Variants in HSPA12B observed in about 807,000 individuals in gnomAD.
HSPA12B encodes heat shock protein family A (Hsp70) member 12B.
A neutral mutation model predicts 69.3 loss-of-function variants in HSPA12B; 54 were observed. The observed-to-expected ratio is 0.78, with a 90% CI of 0.63 to 0.98. The LOEUF is 0.98. Among genes scored for constraint, HSPA12B ranks in the 50% least tolerant of loss-of-function variants. The pLI is 0.00. For missense variants in HSPA12B, 929 were observed against 999.8 expected, an observed-to-expected ratio of 0.93 and a Z score of 0.96; for synonymous variants, 441 against 436.5, an observed-to-expected ratio of 1.01 and a Z score of -0.13.
intron 1 of HSPA12B, among the ~76,000 whole-genome samples, chr20:3,736,364 G>A (rs534951507): frequency 2.0e-5 from 3 of 152,350 alleles, no homozygotes; most frequent in Admixed American, 1.3e-4. Flanking sequence ...CAGCAAGAGT[G>A]TCTGGAAATC....
chr20:3,751,677 G>T lies in HSPA12B; in HGVS notation c.1572G>T (p.Ala524=). Residue 524 remains alanine (A), a synonymous_variant, in exon 13 of 13, where the codon GCG becomes GCT. Transcript: ENST00000254963. The stretch of plus-strand genomic sequence containing the variant: ...TGGGCCTCACCATCCTCAAAGGCGC[G>T]GTGCTGTTCGGCCAGGCGCCGGGCG... The part of the protein sequence containing the change: ...HDVGLTILKG[A]VLFGQAPGVV... 1 of 1,499,632 alleles carries T rather than the reference G, an allele frequency of 6.7e-7. No individual in the cohort carries two copies. The highest frequency in any genetic ancestry group is 2.6e-5 in the East Asian group (1 of 38,424). 92.9% of individuals were successfully genotyped at this position (1,499,632 alleles called of 1,614,324 possible).
At chr20:3,741,243 C>T (rs1326586522) in intron 3 of HSPA12B, among the ~76,000 whole-genome samples, 1 of 151,712 alleles carries the variant, frequency 6.6e-6, no homozygotes, top group Admixed American at 6.6e-5. Context: ...GTCCCCAGAG[C>T]ACTGGGCCTC....
intron 7 of HSPA12B, among the ~76,000 whole-genome samples, chr20:3,746,301 CTTTTTT>C (rs11473544): frequency 3.4e-5 from 3 of 89,244 alleles, no homozygotes; most frequent in African/African-American, 8.8e-5. Context: ...GATGGAGAGT[CTTTTTT>C]TTTTTTTTTT....
At chr20:3,743,801 A>G (rs990052279) in intron 4 of HSPA12B, among the ~76,000 whole-genome samples, 1 of 152,076 alleles carries the variant, frequency 6.6e-6, no homozygotes, top group Non-Finnish European at 1.5e-5. Context: ...TTGTGCCGCA[A>G]TCTCCATGGG....
In HSPA12B at chr20:3,745,211, G is replaced by A; in HGVS notation, c.453+123G>A. The A allele has an allele frequency of 1.1e-6, 1 of 928,032 alleles. No individual in the cohort carries two copies. Among genetic ancestry groups the A allele is most frequent in the Non-Finnish European group, 1.6e-6 (1 of 612,992 alleles). 57.5% of individuals were successfully genotyped at this position (928,032 alleles called of 1,614,324 possible). A position where few individuals can be genotyped will look rare whatever the true frequency, so the allele number is the denominator to read the frequency against. ...GCCCGATGGAGTCGTGGCTGAGAGG[G>A]GGCGGGGCTAAAGGGAGACGTCGGA... On this transcript the variant is annotated intron_variant, in intron 5 of 12. Transcript: ENST00000254963. The surrounding 1 kb of genome is among the most constrained non-coding windows in gnomAD (Gnocchi z 5.6).
rs1248701964 is a variant in HSPA12B at position 3,737,081 on chromosome 20, T to C, written c.-17-1577T>C. Among the ~76,000 whole-genome samples, 1 of 149,820 alleles carries C rather than the reference T, an allele frequency of 6.7e-6. No individual in the cohort carries two copies. The highest frequency in any genetic ancestry group is 1.5e-5 in the Non-Finnish European group (1 of 67,548). ...AAAAATAAATAAATAAATAAATAAATAAATAAATAAATAAATAAATAAATA... is the reference window on the plus strand; with the variant it reads ...AAAAATAAATAAATAAATAAATAAACAAATAAATAAATAAATAAATAAATA... On this transcript the variant is annotated intron_variant, in intron 1 of 12. Coordinates refer to ENST00000254963, the MANE Select transcript of HSPA12B (RefSeq NM_052970.5). This position sits in a 1 kb window ranked among gnomAD's most constrained non-coding sequence, Gnocchi z 4.1.
chr20:3,747,950 G>A (rs1234141800), intron 7 of HSPA12B, among the ~76,000 whole-genome samples: 1 of 152,242 alleles, frequency 6.6e-6, no homozygotes, highest in African/African-American at 2.4e-5. Flanking sequence ...AGGGGTTCTA[G>A]GTCTGCATTC....
In HSPA12B at chr20:3,744,643, T is replaced by C. The variant is rs529271042; in HGVS notation, c.267-259T>C. ...CATTCTGTTGCTCCATGGGAGCCAGTGACCTTTCTTTCTAAAGGCAAATGT... is the reference window on the plus strand; with the variant it reads ...CATTCTGTTGCTCCATGGGAGCCAGCGACCTTTCTTTCTAAAGGCAAATGT... On this transcript the variant is annotated intron_variant, in intron 4 of 12. Transcript: ENST00000254963. This position sits in a 1 kb window ranked among gnomAD's most constrained non-coding sequence, Gnocchi z 4.9. Among the ~76,000 whole-genome samples, 1 of 152,356 alleles carries C rather than the reference T, an allele frequency of 6.6e-6. No individual in the cohort carries two copies. The highest frequency in any genetic ancestry group is 2.4e-5 in the African/African-American group (1 of 41,588).
rs2088435096 is a variant in HSPA12B, at chr20:3,752,010, G to A, written c.1905G>A (p.Glu635=). 3 of 1,566,644 alleles carry A rather than the reference G, an allele frequency of 1.9e-6. No homozygotes were observed. In the African/African-American group the frequency reaches 4.1e-5, roughly 21 times the overall value. The stretch of plus-strand genomic sequence containing the variant: ...GCGGCGCGCTCAGCCTCGAGCTTGA[G>A]CCCGCCGACTGCGGCCAGGACACCG... ...RKCGALSLEL[E]PADCGQDTAG... is the part of the protein sequence containing the mutation. The change falls in exon 13 of 13, where the codon GAG becomes GAA. Residue 635 remains glutamate (E), a synonymous_variant. Transcript: ENST00000254963.
In HSPA12B at chr20:3,751,557, C is replaced by T. The variant is rs754173316; in HGVS notation, c.1452C>T (p.Phe484=). 1.3e-6 allele frequency: 2 copies of T among 1,495,090 alleles called. No homozygotes were observed. Among genetic ancestry groups the T allele is most frequent in the Non-Finnish European group, 1.8e-6 (2 of 1,124,370 alleles). 92.6% of individuals were successfully genotyped at this position (1,495,090 alleles called of 1,614,324 possible). ...AGGTGCAGGGTGTGAAGCTGCTGTT[C>T]CTAGTGGGCGGCTTCGCCGAGTCAG... ...RPEVQGVKLL[F]LVGGFAESAV... The change falls in exon 13 of 13, where the codon TTC becomes TTT. Residue 484 remains phenylalanine (F), a synonymous_variant. Transcript: ENST00000254963.
chr20:3,745,221 A>G lies in HSPA12B; in HGVS notation c.453+133A>G, dbSNP rs1171819586. The G allele has an allele frequency of 9.4e-6, 8 of 846,796 alleles. No homozygotes were observed. The highest frequency in any genetic ancestry group is 1.3e-5 in the Non-Finnish European group (7 of 545,374). 52.5% of individuals were successfully genotyped at this position (846,796 alleles called of 1,614,324 possible). On this transcript the variant is annotated intron_variant, in intron 5 of 12. Coordinates refer to ENST00000254963, the MANE Select transcript of HSPA12B (RefSeq NM_052970.5). The surrounding 1 kb of genome is among the most constrained non-coding windows in gnomAD (Gnocchi z 5.6). ...GTCGTGGCTGAGAGGGGGCGGGGCT[A>G]AAGGGAGACGTCGGACTCCGGTGTG...
chr20:3,749,382 G>C lies in HSPA12B; in HGVS notation c.937+64G>C. 7.1e-7 allele frequency: 1 copy of C among 1,411,128 alleles called. No individual in the cohort carries two copies. Among genetic ancestry groups the C allele is most frequent in the Non-Finnish European group, 9.9e-7 (1 of 1,011,764 alleles). The allele number at this position is 1,411,128 out of a possible 1,614,324, so 87.4% of individuals were successfully genotyped here. A position where few individuals can be genotyped will look rare whatever the true frequency, so the allele number is the denominator to read the frequency against. On this transcript the variant is annotated intron_variant, in intron 9 of 12. Coordinates refer to ENST00000254963, the MANE Select transcript of HSPA12B (RefSeq NM_052970.5). The surrounding 1 kb of genome is among the most constrained non-coding windows in gnomAD (Gnocchi z 5.5). ...TACCGGGCACCATATACTGATGGGG[G>C]GAAGGGCATGTTTGCAAAGCCCGTC...
At position 3,752,856 on chromosome 20, in the gene HSPA12B, A is replaced by AT. The variant is rs1210819028; in HGVS notation, c.*691dup. 2 of 153,840 alleles carry AT rather than the reference A, an allele frequency of 1.3e-5. No individual in the cohort carries two copies. Among genetic ancestry groups the AT allele is most frequent in the African/African-American group, 4.8e-5 (2 of 41,468 alleles). 9.5% of individuals were successfully genotyped at this position (153,840 alleles called of 1,614,324 possible). A position where few individuals can be genotyped will look rare whatever the true frequency, so the allele number is the denominator to read the frequency against. On this transcript the variant is annotated 3_prime_UTR_variant, in exon 13 of 13. Transcript: ENST00000254963. The stretch of plus-strand genomic sequence containing the variant: ...TCTGGGAAGGCCCCAAGGTCAGCTT[A>AT]TGAAGGACCCCACTTGCACCCCACC...
In HSPA12B at chr20:3,749,872, G is replaced by C; in HGVS notation, c.1042+18G>C. The C allele has an allele frequency of 6.3e-7, 1 of 1,578,312 alleles. No homozygotes were observed. The highest frequency in any genetic ancestry group is 8.6e-7 in the Non-Finnish European group (1 of 1,162,640). On this transcript the variant is annotated intron_variant, in intron 10 of 12. Transcript: ENST00000254963. This position sits in a 1 kb window ranked among gnomAD's most constrained non-coding sequence, Gnocchi z 5.5. ...GGCATCTGGTGAGTAGCCAGGCGGC[G>C]CCCCGGTACCCAGCGCGACCCGGGC... is the stretch of plus-strand genomic sequence containing the variant.
At chr20:3,741,836 A>AT (rs2088207542) in intron 3 of HSPA12B, among the ~76,000 whole-genome samples, 2 of 152,202 alleles carry the variant, frequency 1.3e-5, no homozygotes, top group Non-Finnish European at 2.9e-5. Context: ...CTGCCACAGA[A>AT]TCAGACAGTC....
intron 2 of HSPA12B, among the ~76,000 whole-genome samples, chr20:3,739,469 C>T (rs1015227355): frequency 6.6e-6 from 1 of 152,208 alleles, no homozygotes; most frequent in African/African-American, 2.4e-5. Context: ...AAGAGGGACA[C>T]TCCTCAGGAA....
At position 3,737,268 on chromosome 20, in the gene HSPA12B, C is replaced by G. The variant is rs2088123636; in HGVS notation, c.-17-1390C>G. Among the ~76,000 whole-genome samples the G allele has an allele frequency of 6.6e-6, 1 of 152,126 alleles. No homozygotes were observed. The highest frequency in any genetic ancestry group is 2.1e-4 in the South Asian group (1 of 4,826). The stretch of plus-strand genomic sequence containing the variant: ...TCCTGCCTATAGCCTGGCCCCAGAA[C>G]TTCATAGACAGGATCGAGCCCCTCC... On this transcript the variant is annotated intron_variant, in intron 1 of 12. Transcript: ENST00000254963. The surrounding 1 kb of genome is among the most constrained non-coding windows in gnomAD (Gnocchi z 4.1).
intron 11 of HSPA12B, among the ~76,000 whole-genome samples, chr20:3,750,458 T>C (rs1600331084): frequency 1.3e-5 from 2 of 152,186 alleles, no homozygotes; most frequent in East Asian, 1.9e-4. Context: ...CAGAGAATCA[T>C]AGCGGGGAGG....
Position 3,750,956 on chromosome 20 carries a change from A to T in HSPA12B, c.1405+49A>T. 3 of 1,471,846 alleles carry T rather than the reference A, an allele frequency of 2.0e-6. No individual in the cohort carries two copies. In the South Asian group the frequency reaches 3.4e-5, roughly 17 times the overall value. The allele number at this position is 1,471,846 out of a possible 1,614,324, so 91.2% of individuals were successfully genotyped here. On this transcript the variant is annotated intron_variant, in intron 12 of 12. Coordinates refer to ENST00000254963, the MANE Select transcript of HSPA12B (RefSeq NM_052970.5). ...CACCCGCCCCTACATGAACAAACAG[A>T]TGCAGAATAATTCCCCCCCATCAGT... is the stretch of plus-strand genomic sequence containing the variant.
Sources: allele counts gnomAD v4.1 joint callset (sites outside exome capture counted in the v4.1 genomes callset), GRCh38; gene constraint gnomAD v4.1.1; non-coding constraint Gnocchi (gnomAD v3.1); transcripts MANE v1.5; gene names NCBI Gene and HGNC (gene_info 2026-07-23, HGNC 2026-07-21).